The following FRMD4B variants were observed in gnomAD, a reference collection of about 807,000 sequenced individuals.
FRMD4B encodes the protein FERM domain-containing protein 4B.
A neutral mutation model predicts 141.5 loss-of-function variants in FRMD4B; 74 were observed. The observed-to-expected ratio is 0.52, with a 90% confidence interval of 0.43 to 0.63. The LOEUF is 0.63. Among genes scored for constraint, FRMD4B ranks in the 30% least tolerant of loss-of-function variants. The pLI is 0.00. For missense variants in FRMD4B, 1,366 were observed against 1,253.4 expected, an observed-to-expected ratio of 1.09 and a Z score of -1.36; for synonymous variants, 506 against 467.9, an observed-to-expected ratio of 1.08 and a Z score of -1.05.
intron 2 of FRMD4B, among the ~76,000 whole-genome samples, chr3:69,412,114 T>G (rs114508709): frequency 0.031 from 4,744 of 152,242 alleles, 259 homozygotes; most frequent in African/African-American, 0.11. Flanking sequence ...GTGGGTCCAT[T>G]TATTATGCCC....
At chr3:69,335,388 T>TC (rs899606422) in intron 1 of FRMD4B, among the ~76,000 whole-genome samples, 9 of 134,536 alleles carry the variant, frequency 6.7e-5, no homozygotes, top group African/African-American at 2.1e-4. Flanking sequence ...TTTTTTTTTT[T>TC]CCGAGACAGA....
chr3:69,238,269 A>G (rs1269883357), intron 7 of FRMD4B, among the ~76,000 whole-genome samples: 1 of 152,132 alleles, frequency 6.6e-6, no homozygotes, highest in African/African-American at 2.4e-5. Context: ...CAACCAACCA[A>G]TCAGCTCTAG....
intron 1 of FRMD4B, among the ~76,000 whole-genome samples, chr3:69,336,739 G>A (rs940718438): frequency 9.9e-5 from 15 of 152,186 alleles, no homozygotes; most frequent in African/African-American, 2.4e-4. Context: ...CATGAGGTCA[G>A]GAGTTCGAGA....
At chr3:69,263,817 CTTTTTTTTTTTT>C (rs3032130) in intron 5 of FRMD4B, among the ~76,000 whole-genome samples, 12 of 68,520 alleles carry the variant, frequency 1.8e-4, no homozygotes, top group African/African-American at 7.2e-4. Flanking sequence ...AACCCCATTC[CTTTTTTTTTTTT>C]TTTTTTTTTT....
intron 5 of FRMD4B, 187 bp from the exon 6 acceptor site, chr3:69,250,286 T>TGTGA: frequency 1.0e-5 from 5 of 488,422 alleles, no homozygotes; most frequent in East Asian, 3.4e-5. Flanking sequence ...AACCACTGTG[T>TGTGA]GTGCGTGTGT....
At chr3:69,392,535 C>G (rs1156793928) in intron 2 of FRMD4B, among the ~76,000 whole-genome samples, 2 of 152,194 alleles carry the variant, frequency 1.3e-5, no homozygotes, top group African/African-American at 4.8e-5. Context: ...AAAAGCCCAG[C>G]AGCGAGGCTG....
intron 22 of FRMD4B, among the ~76,000 whole-genome samples, chr3:69,172,639 C>T (rs1285669294): frequency 1.3e-5 from 2 of 152,140 alleles, no homozygotes; most frequent in African/African-American, 2.4e-5. Context: ...CACATAGGGA[C>T]ATATATGATA....
intron 11 of FRMD4B, among the ~76,000 whole-genome samples, chr3:69,215,195 T>A (rs926367729): frequency 2.2e-4 from 33 of 149,756 alleles, no homozygotes; most frequent in Admixed American, 1.1e-3. Flanking sequence ...TGAATTTTTT[T>A]AAAAAAACAG....
At chr3:69,266,253 A>G (rs1452813918) in intron 5 of FRMD4B, among the ~76,000 whole-genome samples, 2 of 152,132 alleles carry the variant, frequency 1.3e-5, no homozygotes, top group African/African-American at 2.4e-5. Flanking sequence ...ATAAGAACAC[A>G]GGATGTGACT....
intron 1 of FRMD4B, among the ~76,000 whole-genome samples, chr3:69,516,186 C>A (rs889636803): frequency 3.9e-5 from 6 of 152,098 alleles, no homozygotes; most frequent in African/African-American, 1.4e-4. Flanking sequence ...GATGGCATTA[C>A]TGCACTCTAC....
At chr3:69,187,259 T>C (rs59567898) in intron 19 of FRMD4B, among the ~76,000 whole-genome samples, 9,188 of 152,062 alleles carry the variant, frequency 0.06, 419 homozygotes, top group Non-Finnish European at 0.09. Flanking sequence ...CTTAAAAACA[T>C]TTTCAGCCAG....
intron 2 of FRMD4B, among the ~76,000 whole-genome samples, chr3:69,408,762 C>T (rs758641667): frequency 9.2e-5 from 14 of 151,956 alleles, no homozygotes; most frequent in Non-Finnish European, 1.6e-4. Context: ...ACCAGAGCCA[C>T]CTTAGAGCAG....
intron 7 of FRMD4B, among the ~76,000 whole-genome samples, chr3:69,240,123 T>C (rs2093371008): frequency 6.6e-6 from 1 of 151,084 alleles, no homozygotes; most frequent in African/African-American, 2.4e-5. Flanking sequence ...TTCTTAAAAA[T>C]GGTTGAGATG....
chr3:69,472,039 A>C (rs1705901885), intron 1 of FRMD4B: 1 of 153,940 alleles, frequency 6.5e-6, no homozygotes, highest in South Asian at 2.0e-4. Context: ...TGCAAAGATT[A>C]TTTGAGCCTC....
chr3:69,183,474 ATTTTTTTTTTTTT>A (rs771537044), intron 19 of FRMD4B, among the ~76,000 whole-genome samples: 2 of 113,252 alleles, frequency 1.8e-5, no homozygotes, highest in African/African-American at 3.8e-5. Context: ...TTAGAAGTTA[ATTTTTTTTTTTTT>A]TTTTTTTTTT....
chr3:69,495,946 C>G (rs1482681013), intron 1 of FRMD4B, among the ~76,000 whole-genome samples: 1 of 152,176 alleles, frequency 6.6e-6, no homozygotes, highest in Non-Finnish European at 1.5e-5. Flanking sequence ...GATTTTATGG[C>G]ACAAGAATAG....
chr3:69,357,719 C>T (rs1482014771), intron 1 of FRMD4B, among the ~76,000 whole-genome samples: 1 of 152,176 alleles, frequency 6.6e-6, no homozygotes, highest in African/African-American at 2.4e-5. Context: ...CATAAAATCA[C>T]AACAGAGGCA....
chr3:69,338,327 G>C (rs553692517), intron 1 of FRMD4B, among the ~76,000 whole-genome samples: 1 of 152,148 alleles, frequency 6.6e-6, no homozygotes, highest in South Asian at 2.1e-4. Flanking sequence ...GAGGGGGGAG[G>C]GATAGCATTA....
chr3:69,536,589 C>T, intron 1 of FRMD4B: 1 of 783,848 alleles, frequency 1.3e-6, no homozygotes, highest in Non-Finnish European at 2.2e-6. Context: ...CACCGGGAAG[C>T]TGCTGCAGCT....
Sources: gnomAD v4.1 joint callset for allele counts (sites outside exome capture counted in the v4.1 genomes callset) on GRCh38, gnomAD v4.1.1 for gene constraint, MANE v1.5 for transcripts, NCBI Gene and HGNC (gene_info 2026-07-23, HGNC 2026-07-21) for gene names.